The following SLC6A5 variants were observed in gnomAD, a reference collection of about 807,000 sequenced individuals.
SLC6A5 encodes the protein sodium- and chloride-dependent glycine transporter 2.
A neutral mutation model predicts 90.5 loss-of-function variants in SLC6A5; 58 were observed. The ratio of observed to expected loss-of-function variants is 0.64; its 90% CI spans 0.52 to 0.80. The LOEUF (loss-of-function observed/expected upper bound fraction) is 0.80, where lower values mean the gene tolerates loss of function less well. Among genes scored for constraint, SLC6A5 ranks in the 30% least tolerant of loss-of-function variants. The pLI is 0.00. For missense variants in SLC6A5, 1,015 were observed against 1,017.6 expected (o/e 1.00, Z 0.03); for synonymous variants, 427 against 401.4 (o/e 1.06, Z -0.76).
chr11:20,622,091 T>C (rs1852902733), intron 7 of SLC6A5, among the ~76,000 whole-genome samples: 1 of 152,176 alleles, frequency 6.6e-6, no homozygotes, highest in African/African-American at 2.4e-5. Flanking sequence ...TCAGTGTCAC[T>C]CCTGCCAAGT....
intron 13 of SLC6A5, among the ~76,000 whole-genome samples, chr11:20,639,275 C>T (rs1277810738): frequency 6.6e-6 from 1 of 152,072 alleles, no homozygotes; most frequent in African/African-American, 2.4e-5. Flanking sequence ...CTATTTGATT[C>T]AAGGCCCTAC....
At chr11:20,605,590 C>T (rs532245640) in intron 3 of SLC6A5, among the ~76,000 whole-genome samples, 34 of 152,326 alleles carry the variant, frequency 2.2e-4, no homozygotes, top group Admixed American at 7.2e-4. Flanking sequence ...TACAACAGGG[C>T]TTCCAGTGAC....
intron 5 of SLC6A5, 65 bp downstream of exon 5, chr11:20,607,717 A>ATG: frequency 1.5e-6 from 2 of 1,304,296 alleles, no homozygotes; most frequent in Non-Finnish European, 2.2e-6. Flanking sequence ...CAGCAAAATA[A>ATG]TTGAACATAT....
chr11:20,602,265 T>C (rs1326331889), intron 2 of SLC6A5, among the ~76,000 whole-genome samples: 2 of 152,304 alleles, frequency 1.3e-5, no homozygotes, highest in African/African-American at 4.8e-5. Flanking sequence ...GCCATAATTT[T>C]CTATTTTTTT....
rs991841261 is a variant in SLC6A5, at chr11:20,657,841, C to T, written c.*2973C>T. On this transcript the variant is annotated 3_prime_UTR_variant, in exon 16 of 16. Transcript: ENST00000525748. ...ACAAGTGGTGTTGTGACTTCTTATG[C>T]AAATGTCTTGCATATTAGTAACTTT... The T allele has an allele frequency of 6.6e-6, 1 of 152,164 alleles. No individual in the cohort carries two copies. The highest frequency in any genetic ancestry group is 1.5e-5 in the Non-Finnish European group (1 of 68,018). The allele number at this position is 152,164 out of a possible 1,614,324, so 9.4% of individuals were successfully genotyped here. A position where few individuals can be genotyped will look rare whatever the true frequency, so the allele number is the denominator to read the frequency against.
chr11:20,605,644 T>G (rs537728511), intron 3 of SLC6A5, among the ~76,000 whole-genome samples: 12 of 152,216 alleles, frequency 7.9e-5, no homozygotes, highest in African/African-American at 2.9e-4. Flanking sequence ...GGGAGGGAGT[T>G]CCAGCAAAAG....
chr11:20,603,119 C>T lies in SLC6A5; in HGVS notation c.541-1167C>T, dbSNP rs571721401. On this transcript the variant is annotated intron_variant, in intron 2 of 15. Transcript: ENST00000525748. ...TCTGACACTCACCCTGGCCCTTTCT[C>T]TCTCCCTAAGACTTCTCCTGACAGC... Among the ~76,000 whole-genome samples, 10 of 152,332 alleles carry T rather than the reference C, an allele frequency of 6.6e-5. No individual in the cohort carries two copies. In the East Asian group the frequency reaches 1.9e-3, roughly 29 times the overall value.
intron 2 of SLC6A5, among the ~76,000 whole-genome samples, chr11:20,603,454 T>C (rs1253659090): frequency 1.3e-5 from 2 of 152,184 alleles, no homozygotes; most frequent in Non-Finnish European, 1.5e-5. Flanking sequence ...CAGGGGACAG[T>C]CATTCTAAGC....
chr11:20,602,331 C>T (rs1852496204), intron 2 of SLC6A5, among the ~76,000 whole-genome samples: 1 of 152,200 alleles, frequency 6.6e-6, no homozygotes, highest in Non-Finnish European at 1.5e-5. Context: ...ATCTTAATCC[C>T]CTCTTGCATT....
chr11:20,637,027 TTTTTAGAC>T (rs1853220952), intron 11 of SLC6A5, 137 bp from the exon 12 acceptor site: 2 of 837,940 alleles, frequency 2.4e-6, no homozygotes, highest in Non-Finnish European at 4.0e-6. Flanking sequence ...CCAAGGAGGC[TTTTTAGAC>T]CCATTGAGGG....
At position 20,658,393 on chromosome 11, in the gene SLC6A5, T is replaced by C. The variant is rs1198360385; in HGVS notation, c.*3525T>C. On this transcript the variant is annotated 3_prime_UTR_variant, in exon 16 of 16. Transcript: ENST00000525748. Reference sequence around the variant, plus strand: ...TTGGGACATGCTTCTTTGAGGCAGATGATTCAAGAGAGGACGTGCTGTGTG... The same window carrying C: ...TTGGGACATGCTTCTTTGAGGCAGACGATTCAAGAGAGGACGTGCTGTGTG... 6.6e-6 allele frequency: 1 copy of C among 152,204 alleles called. No individual in the cohort carries two copies. Among genetic ancestry groups the C allele is most frequent in the Non-Finnish European group, 1.5e-5 (1 of 68,062 alleles). 9.4% of individuals were successfully genotyped at this position (152,204 alleles called of 1,614,324 possible).
chr11:20,635,519 A>G (rs1853188708), intron 10 of SLC6A5, among the ~76,000 whole-genome samples: 2 of 152,150 alleles, frequency 1.3e-5, no homozygotes, highest in African/African-American at 4.8e-5. Flanking sequence ...GGAGGACTAA[A>G]TAGGAGGAAG....
chr11:20,639,801 A>G (rs1853278605), intron 13 of SLC6A5, among the ~76,000 whole-genome samples: 1 of 152,198 alleles, frequency 6.6e-6, no homozygotes, highest in South Asian at 2.1e-4. Context: ...GGGCATTAGT[A>G]GAAGGGGAAT....
intron 2 of SLC6A5, among the ~76,000 whole-genome samples, chr11:20,602,749 C>G (rs2133769840): frequency 6.6e-6 from 1 of 152,314 alleles, no homozygotes; most frequent in East Asian, 1.9e-4. Flanking sequence ...ATAGCAGGAG[C>G]TTGTGGTGTC....
chr11:20,646,828 T>G lies in SLC6A5; in HGVS notation c.1970-6T>G, dbSNP rs753146476. 6.2e-7 allele frequency: 1 copy of G among 1,603,744 alleles called. No homozygotes were observed. Among genetic ancestry groups the G allele is most frequent in the Non-Finnish European group, 8.5e-7 (1 of 1,170,836 alleles). On this transcript the variant is annotated splice_polypyrimidine_tract_variant and splice_region_variant and intron_variant, in intron 13 of 15. Transcript: ENST00000525748. ...TTATACCTGTTCTCTGCTTGTCTAT[T>G]TGCAGGCTTGCAAAGATTCTGTGAA...
At chr11:20,647,217 A>G (rs188579202) in intron 14 of SLC6A5, among the ~76,000 whole-genome samples, 1,372 of 126,144 alleles carry the variant, frequency 0.011, 24 homozygotes, top group African/African-American at 0.036. Context: ...GTTCCTATAT[A>G]TATATATAAA....
chr11:20,619,629 C>CT (rs11382540), intron 7 of SLC6A5, among the ~76,000 whole-genome samples: 106,020 of 150,702 alleles, frequency 0.7, 37,250 homozygotes, highest in South Asian at 0.78. Flanking sequence ...GCTTTAATTG[C>CT]TTTTTTTTTG....
intron 5 of SLC6A5, among the ~76,000 whole-genome samples, chr11:20,609,089 C>T (rs757766223): frequency 9.2e-5 from 14 of 152,078 alleles, no homozygotes; most frequent in East Asian, 7.7e-4. Flanking sequence ...GGCTCACCAT[C>T]GCCTGGGAGA....
intron 5 of SLC6A5, among the ~76,000 whole-genome samples, chr11:20,610,388 A>G (rs367671033): frequency 1.1e-4 from 16 of 152,316 alleles, no homozygotes; most frequent in African/African-American, 3.8e-4. Flanking sequence ...TGCTGCAGGA[A>G]CGGTGACCTT....
Sources: allele counts gnomAD v4.1 joint callset (sites outside exome capture counted in the v4.1 genomes callset), GRCh38; gene constraint gnomAD v4.1.1; transcripts MANE v1.5; gene names NCBI Gene and HGNC (gene_info 2026-07-23, HGNC 2026-07-21).